Variants in EIF3B observed in about 807,000 individuals in gnomAD.
EIF3B encodes eukaryotic translation initiation factor 3 subunit B.
In EIF3B, 10 loss-of-function variants were observed where a neutral mutation model predicts 104.6. That is an observed-to-expected ratio of 0.10 (90% confidence interval 0.06 to 0.16). The LOEUF (loss-of-function observed/expected upper bound fraction) is 0.16, where lower values mean the gene tolerates loss of function less well. Ranked by LOEUF, EIF3B falls within the 10% of genes least tolerant of loss-of-function variation. The probability of loss-of-function intolerance (pLI) is 1.00; values close to 1 mark genes in which losing one functional copy is unlikely to be tolerated. For missense variants in EIF3B, 1,014 were observed against 1,087.9 expected (o/e 0.93, Z 0.96); for synonymous variants, 542 against 417.2 (o/e 1.30, Z -3.65).
At chr7:2,374,771 C>T (rs1176769472) in intron 13 of EIF3B, 165 bp downstream of exon 13, 3 of 598,110 alleles carry the variant, frequency 5.0e-6, no homozygotes, top group Non-Finnish European at 8.7e-6. Flanking sequence ...TGCAGACCCA[C>T]GGTACTCCAG....
intron 14 of EIF3B, 160 bp from the exon 15 acceptor site, chr7:2,376,790 C>G: frequency 9.5e-7 from 1 of 1,050,440 alleles, no homozygotes; most frequent in Non-Finnish European, 1.3e-6. Context: ...AGGTGTCTTG[C>G]ATTGACTGCC....
rs1176616178 is a variant in EIF3B, at chr7:2,379,358, G to C, written c.2342-36G>C. 7 of 1,559,842 alleles carry C rather than the reference G, an allele frequency of 4.5e-6. No individual in the cohort carries two copies. In the African/African-American group the frequency reaches 9.5e-5, roughly 21 times the overall value. The stretch of plus-strand genomic sequence containing the variant: ...GCCTCGGCGGTGCCACTAGGCATGT[G>C]CCCCCATGGGTGATCTGCGCCCTTT... On this transcript the variant is annotated intron_variant, in intron 17 of 18. Transcript: ENST00000360876.
At position 2,360,751 on chromosome 7, in the gene EIF3B, G is replaced by C; in HGVS notation, c.541G>C (p.Asp181His). The change falls in exon 2 of 19, where the codon GAT becomes CAT. Residue 181 changes from aspartate to histidine, a missense_variant. Asp to His is a moderately conservative substitution (Grantham distance 81, BLOSUM62 -1). Around this residue, in one of 4 missense-constraint regions of EIF3B, gnomAD observed 488 missense variants for 404.3 expected, o/e 1.21. Coordinates refer to ENST00000360876, the MANE Select transcript of EIF3B (RefSeq NM_001037283.2). The part of the protein sequence containing the change: ...DVLKDRPQEA[D>H]GIDSVIVVDN... ...ACTCAAAGATCGGCCCCAGGAAGCAGATGGAATCGATTCGGTGATTGTAGT... is the reference window on the plus strand; with the variant it reads ...ACTCAAAGATCGGCCCCAGGAAGCACATGGAATCGATTCGGTGATTGTAGT... 6.2e-7 allele frequency: 1 copy of C among 1,600,266 alleles called. No individual in the cohort carries two copies. Among genetic ancestry groups the C allele is most frequent in the Non-Finnish European group, 8.6e-7 (1 of 1,168,378 alleles).
chr7:2,370,073 G>T (rs966282675), intron 10 of EIF3B, among the ~76,000 whole-genome samples: 3 of 152,088 alleles, frequency 2.0e-5, no homozygotes, highest in African/African-American at 7.2e-5. Context: ...CACCGTGCCT[G>T]GCTGAGAATA....
Position 2,355,137 on chromosome 7 carries a change from C to G in EIF3B, c.216C>G (p.Ala72=). The G allele has an allele frequency of 7.1e-7, 1 of 1,409,994 alleles. No homozygotes were observed. Among genetic ancestry groups the G allele is most frequent in the East Asian group, 3.0e-5 (1 of 33,054 alleles). The allele number at this position is 1,409,994 out of a possible 1,614,324, so 87.3% of individuals were successfully genotyped here. The change falls in exon 1 of 19, where the codon GCC becomes GCG. Residue 72 remains alanine (A), a synonymous_variant. Coordinates refer to ENST00000360876, the MANE Select transcript of EIF3B (RefSeq NM_001037283.2). ...PESEVRTEPA[A]EAEAASGPSE... Reference sequence around the variant, plus strand: ...CCGAGGTGAGGACCGAGCCGGCGGCCGAGGCAGAGGCGGCCTCCGGCCCGT... The same window carrying G: ...CCGAGGTGAGGACCGAGCCGGCGGCGGAGGCAGAGGCGGCCTCCGGCCCGT...
chr7:2,355,036 G>T lies in EIF3B; in HGVS notation c.115G>T (p.Gly39Trp), dbSNP rs1779315850. The change falls in exon 1 of 19, where the codon GGG (glycine) becomes TGG (tryptophan). Residue 39 changes from glycine to tryptophan, a missense_variant. By Grantham distance (184) the Gly-to-Trp change is radical (BLOSUM62 -2). Coordinates refer to ENST00000360876, the MANE Select transcript of EIF3B (RefSeq NM_001037283.2). ...PPAEGLLRPAGPGAPEAAGTE... is the reference protein window; with the variant it reads ...PPAEGLLRPAWPGAPEAAGTE... The stretch of plus-strand genomic sequence containing the variant: ...AGCCGAGGGGCTGCTGCGGCCCGCG[G>T]GGCCCGGCGCTCCGGAGGCCGCGGG... 5 of 1,201,242 alleles carry T rather than the reference G, an allele frequency of 4.2e-6. No homozygotes were observed. Among genetic ancestry groups the T allele is most frequent in the Non-Finnish European group, 5.2e-6 (5 of 969,228 alleles). 74.4% of individuals were successfully genotyped at this position (1,201,242 alleles called of 1,614,324 possible). A position where few individuals can be genotyped will look rare whatever the true frequency, so the allele number is the denominator to read the frequency against.
upstream of EIF3B, among the ~76,000 whole-genome samples, chr7:2,354,690 G>T (rs1011131523): frequency 2.6e-5 from 4 of 152,138 alleles, no homozygotes; most frequent in African/African-American, 7.2e-5. Flanking sequence ...GCACTTTCTT[G>T]TCACAAATAT....
Position 2,379,421 on chromosome 7 carries a change from A to G in EIF3B, c.2369A>G (p.Asn790Ser), listed in dbSNP as rs980494734. 1 of 1,593,626 alleles carries G rather than the reference A, an allele frequency of 6.3e-7. No homozygotes were observed. Among genetic ancestry groups the G allele is most frequent in the Non-Finnish European group, 8.5e-7 (1 of 1,169,874 alleles). The change falls in exon 18 of 19, where the codon AAC becomes AGC. Residue 790 changes from asparagine (N) to serine (S), a missense_variant. By Grantham distance (46) the Asn-to-Ser change is conservative. This residue lies in a region of EIF3B where 266 missense variants were observed against 324.0 expected (regional missense o/e 0.82). Transcript: ENST00000360876. ...GTGGACACTGACGAGCTGGACAGCA[A>G]CGTGGACGACTGGGAAGAGGAGACC... Reference protein sequence around the residue: ...GGVDTDELDSNVDDWEEETIE... With the variant: ...GGVDTDELDSSVDDWEEETIE...
At chr7:2,361,324 A>G (rs1472353876) in intron 2 of EIF3B, among the ~76,000 whole-genome samples, 2 of 152,164 alleles carry the variant, frequency 1.3e-5, no homozygotes, top group Admixed American at 6.5e-5. Context: ...AAATACAGGT[A>G]ATGCTGCTGC....
At chr7:2,361,653 T>C (rs1045342979) in intron 2 of EIF3B, among the ~76,000 whole-genome samples, 1 of 152,130 alleles carries the variant, frequency 6.6e-6, no homozygotes, top group Non-Finnish European at 1.5e-5. Flanking sequence ...TCTCCTGACC[T>C]TGTGATCCAC....
Position 2,372,529 on chromosome 7 carries a change from T to C in EIF3B, c.1688-144T>C, listed in dbSNP as rs1780409024. On this transcript the variant is annotated intron_variant, in intron 11 of 18. Transcript: ENST00000360876. Reference sequence around the variant, plus strand: ...CTCCAGGAATGTGCACCTTTCCTGCTGTTGCTTGCTCTCCCGTCCTTTTAA... The same window carrying C: ...CTCCAGGAATGTGCACCTTTCCTGCCGTTGCTTGCTCTCCCGTCCTTTTAA... The C allele has an allele frequency of 4.1e-6, 4 of 981,048 alleles. No individual in the cohort carries two copies. In the Admixed American group the frequency reaches 1.0e-4, roughly 25 times the overall value. 60.8% of individuals were successfully genotyped at this position (981,048 alleles called of 1,614,324 possible). A position where few individuals can be genotyped will look rare whatever the true frequency, so the allele number is the denominator to read the frequency against.
upstream of EIF3B, chr7:2,354,771 G>A (rs1441855093): frequency 2.5e-5 from 18 of 725,938 alleles, no homozygotes; most frequent in Non-Finnish European, 2.9e-5. Flanking sequence ...GAGGCCCCAG[G>A]GCGTGGGTGC....
At chr7:2,367,482 G>A (rs2115309368) in intron 9 of EIF3B, among the ~76,000 whole-genome samples, 1 of 152,148 alleles carries the variant, frequency 6.6e-6, no homozygotes, top group South Asian at 2.1e-4. Context: ...GCTTTTTGTT[G>A]TTGTTGTTAG....
upstream of EIF3B, chr7:2,354,740 A>G (rs2115263277): frequency 5.6e-6 from 2 of 355,636 alleles, no homozygotes; most frequent in East Asian, 2.0e-4. Context: ...TGTGGATGCG[A>G]GTCCTCTCAG....
rs746548159 is a variant in EIF3B at position 2,376,961 on chromosome 7, G to T, written c.2040G>T (p.Ala680=). The change falls in exon 15 of 19, where the codon GCG becomes GCT. Residue 680 remains alanine (A), a synonymous_variant. Coordinates refer to ENST00000360876, the MANE Select transcript of EIF3B (RefSeq NM_001037283.2). The stretch of plus-strand genomic sequence containing the variant: ...CTGCCCTGGCCTAGGTGGACAACGC[G>T]TACTGGCTGTGGACTTTCCAGGGAC... The part of the protein sequence containing the change: ...VSWWSHKVDN[A]YWLWTFQGRL... The T allele has an allele frequency of 1.2e-5, 20 of 1,613,694 alleles. No homozygotes were observed. The highest frequency in any genetic ancestry group is 1.4e-5 in the Non-Finnish European group (16 of 1,179,960).
chr7:2,363,010 C>A (rs1293250535), intron 3 of EIF3B, 60 bp from the exon 4 acceptor site: 5 of 1,586,972 alleles, frequency 3.2e-6, no homozygotes, highest in Non-Finnish European at 4.3e-6. Flanking sequence ...CTGGAGCCCC[C>A]ACGAGTTGCT....
chr7:2,356,243 T>C (rs1779428068), intron 1 of EIF3B, among the ~76,000 whole-genome samples: 1 of 152,150 alleles, frequency 6.6e-6, no homozygotes, highest in Admixed American at 6.6e-5. Context: ...CCCTTGCTGA[T>C]GTAGCCAGCG....
rs199814936 is a variant in EIF3B, at chr7:2,366,372, A to G, written c.1213A>G (p.Ile405Val). 1.3e-4 allele frequency: 211 copies of G among 1,613,838 alleles called. 1 individual carries two copies. The South Asian group carries it at 1.6e-3, about 12-fold the overall frequency. ...MDTQDDPQAI[I>V]IWDILTGHKK... ...CACGCAGGATGACCCTCAGGCCATA[A>G]TCATCTGGGACATCCTTACGGGGCA... Residue 405 changes from isoleucine to valine, a missense_variant, in exon 7 of 19, where the codon ATC (isoleucine) becomes GTC (valine). Physicochemically the swap from Ile to Val is conservative, Grantham distance 29. Around this residue, in one of 4 missense-constraint regions of EIF3B, gnomAD observed 201 missense variants for 240.7 expected, o/e 0.83. Coordinates refer to ENST00000360876, the MANE Select transcript of EIF3B (RefSeq NM_001037283.2).
chr7:2,377,293 T>A (rs971157651), intron 15 of EIF3B, among the ~76,000 whole-genome samples: 4 of 152,234 alleles, frequency 2.6e-5, no homozygotes, highest in African/African-American at 9.6e-5. Context: ...AGGGAAGTTT[T>A]GCATGAACCC....
Sources: allele counts gnomAD v4.1 joint callset (sites outside exome capture counted in the v4.1 genomes callset), GRCh38; gene constraint gnomAD v4.1.1; regional missense constraint gnomAD v4.1.1; transcripts MANE v1.5; gene names NCBI Gene and HGNC (gene_info 2026-07-23, HGNC 2026-07-21).